SH3GL3: variants seen among roughly 807,000 people sequenced by gnomAD.
SH3GL3 encodes endophilin-A3.
SH3GL3 carries 33 observed loss-of-function variants against 47.7 expected under a neutral mutation model. The ratio of observed to expected loss-of-function variants is 0.69; its 90% CI spans 0.52 to 0.92. SH3GL3 has a LOEUF of 0.92. Ranked by LOEUF, SH3GL3 falls within the 40% of genes least tolerant of loss-of-function variation. SH3GL3 has a pLI of 0.00. For synonymous variants in SH3GL3, 155 were observed against 148.8 expected (o/e 1.04, Z -0.30); for missense variants, 363 against 417.8 (o/e 0.87, Z 1.14).
chr15:83,627,775 C>T, the SH3GL3 span, among the ~76,000 whole-genome samples: 42 of 152,100 alleles, frequency 2.8e-4, no homozygotes, highest in African/African-American at 8.2e-4. Flanking sequence ...CAATATTGGG[C>T]GATAAAATAG....
At chr15:83,535,774 C>G (rs1183917511) in intron 1 of SH3GL3, among the ~76,000 whole-genome samples, 1 of 152,204 alleles carries the variant, frequency 6.6e-6, no homozygotes, top group Non-Finnish European at 1.5e-5. Context: ...AAAGGTCACA[C>G]TCATAGAGGC....
chr15:83,587,561 C>T (rs554914192), intron 7 of SH3GL3, among the ~76,000 whole-genome samples: 1 of 143,680 alleles, frequency 7.0e-6, no homozygotes, highest in East Asian at 2.1e-4. Context: ...AGTGCCTTCA[C>T]TTCACCAGTA....
chr15:83,571,687 G>T (rs754745720), intron 4 of SH3GL3, among the ~76,000 whole-genome samples: 6 of 152,040 alleles, frequency 3.9e-5, no homozygotes, highest in Non-Finnish European at 7.4e-5. Flanking sequence ...GTCAGACTTA[G>T]GCTGGGCTTT....
chr15:83,494,127 T>C (rs1224170373), intron 1 of SH3GL3, among the ~76,000 whole-genome samples: 1 of 152,228 alleles, frequency 6.6e-6, no homozygotes, highest in Non-Finnish European at 1.5e-5. Context: ...AGGAGGCTAA[T>C]TCTGCATACT....
intron 7 of SH3GL3, 86 bp downstream of exon 7, chr15:83,587,172 T>C: frequency 1.5e-6 from 1 of 684,824 alleles, no homozygotes. Flanking sequence ...CATCTCTCCA[T>C]CTCCCCCTTC....
intron 1 of SH3GL3, among the ~76,000 whole-genome samples, chr15:83,493,700 T>G (rs1414950638): frequency 6.8e-6 from 1 of 147,850 alleles, no homozygotes; most frequent in Non-Finnish European, 1.5e-5. Flanking sequence ...GCAGCAACTT[T>G]CCAATCTGTA....
At chr15:83,477,290 A>G (rs1326311495) in intron 1 of SH3GL3, among the ~76,000 whole-genome samples, 2 of 152,066 alleles carry the variant, frequency 1.3e-5, no homozygotes, top group East Asian at 3.9e-4. Context: ...CATTTCTATC[A>G]TCTTTTCTTT....
At chr15:83,485,789 G>T (rs1431173857) in intron 1 of SH3GL3, among the ~76,000 whole-genome samples, 1 of 152,154 alleles carries the variant, frequency 6.6e-6, no homozygotes, top group East Asian at 1.9e-4. Flanking sequence ...GAGCCACCAT[G>T]CCTGGCCGGA....
chr15:83,514,801 C>A (rs1047144150), intron 1 of SH3GL3, among the ~76,000 whole-genome samples: 1 of 152,068 alleles, frequency 6.6e-6, no homozygotes, highest in East Asian at 1.9e-4. Flanking sequence ...TCCTCTTATT[C>A]GCAGCTGTCA....
At chr15:83,468,025 T>C (rs2040652266) in intron 1 of SH3GL3, among the ~76,000 whole-genome samples, 1 of 152,258 alleles carries the variant, frequency 6.6e-6, no homozygotes, top group South Asian at 2.1e-4. Context: ...AGAGACAGGG[T>C]TTCACCATGT....
chr15:83,472,449 T>C (rs1325415201), intron 1 of SH3GL3, among the ~76,000 whole-genome samples: 5 of 152,246 alleles, frequency 3.3e-5, no homozygotes, highest in African/African-American at 4.8e-5. Flanking sequence ...TAATTTTCAT[T>C]GTTCTATCTT....
At chr15:83,571,000 C>G (rs1291501024) in intron 4 of SH3GL3, among the ~76,000 whole-genome samples, 2 of 152,184 alleles carry the variant, frequency 1.3e-5, no homozygotes, top group Non-Finnish European at 2.9e-5. Flanking sequence ...CCGAAAAAAA[C>G]TTGGGATGAG....
intron 8 of SH3GL3, among the ~76,000 whole-genome samples, chr15:83,611,822 A>C (rs1187809476): frequency 6.6e-6 from 1 of 152,172 alleles, no homozygotes; most frequent in Non-Finnish European, 1.5e-5. Context: ...TCCATTGAGG[A>C]AATCCAGCCC....
chr15:83,551,927 T>A (rs1162622320), intron 1 of SH3GL3, among the ~76,000 whole-genome samples: 1 of 152,218 alleles, frequency 6.6e-6, no homozygotes, highest in Non-Finnish European at 1.5e-5. Context: ...CTTATACTAT[T>A]CTTTCTGACA....
chr15:83,557,034 T>C (rs1281523669), intron 1 of SH3GL3, among the ~76,000 whole-genome samples: 3 of 152,202 alleles, frequency 2.0e-5, no homozygotes, highest in Non-Finnish European at 4.4e-5. Flanking sequence ...AGTACTGATT[T>C]GGAATTTATA....
At chr15:83,557,440 G>T (rs1251127555) in intron 1 of SH3GL3, among the ~76,000 whole-genome samples, 1 of 152,224 alleles carries the variant, frequency 6.6e-6, no homozygotes, top group Non-Finnish European at 1.5e-5. Context: ...AGCCTGAAAA[G>T]TAAGGATTCT....
chr15:83,464,561 A>G (rs565985749), intron 1 of SH3GL3, among the ~76,000 whole-genome samples: 13 of 152,264 alleles, frequency 8.5e-5, no homozygotes, highest in African/African-American at 3.1e-4. Flanking sequence ...TCAAATGTGA[A>G]CTCTTAATTA....
chr15:83,593,132 TC>T (rs2151816147), intron 8 of SH3GL3, among the ~76,000 whole-genome samples: 1 of 152,344 alleles, frequency 6.6e-6, no homozygotes, highest in South Asian at 2.1e-4. Context: ...GCCCTGTTAG[TC>T]CTCTAACTTT....
chr15:83,478,418 G>A (rs1301692670), intron 1 of SH3GL3, among the ~76,000 whole-genome samples: 3 of 152,174 alleles, frequency 2.0e-5, no homozygotes, highest in Non-Finnish European at 4.4e-5. Flanking sequence ...GGACTTTGGG[G>A]AAATGTCTTT....
Sources: allele counts gnomAD v4.1 joint callset (sites outside exome capture counted in the v4.1 genomes callset), GRCh38; gene constraint gnomAD v4.1.1; transcripts MANE v1.5; gene names NCBI Gene and HGNC (gene_info 2026-07-23, HGNC 2026-07-21).